The following RHOT1 variants were observed in gnomAD, a reference collection of about 807,000 sequenced individuals.
RHOT1 encodes ras homolog family member T1, also known as mitochondrial Rho GTPase 1.
RHOT1 carries 27 observed loss-of-function variants against 95.3 expected under a neutral mutation model. The observed-to-expected ratio is 0.28, with a 90% CI of 0.21 to 0.39. The LOEUF (loss-of-function observed/expected upper bound fraction) is 0.39. Ranked by LOEUF, RHOT1 falls within the 10% of genes least tolerant of loss-of-function variation. The probability of loss-of-function intolerance (pLI) is 1.00; values close to 1 mark genes in which losing one functional copy is unlikely to be tolerated. For missense variants in RHOT1, 578 were observed against 786.7 expected (o/e 0.73, Z 3.17); for synonymous variants, 227 against 263.5 (o/e 0.86, Z 1.34).
intron 19 of RHOT1, among the ~76,000 whole-genome samples, chr17:32,214,641 C>G (rs1044174209): frequency 2.6e-5 from 4 of 152,130 alleles, no homozygotes; most frequent in Non-Finnish European, 5.9e-5. Context: ...CCACCTTTCC[C>G]TGTTACTTCT....
intron 1 of RHOT1, chr17:32,151,315 G>A (rs2032261604): frequency 1.6e-6 from 1 of 638,996 alleles, no homozygotes; most frequent in Admixed American, 1.9e-5. Context: ...GGGAGGCTAA[G>A]GTGGGAGGAT....
intron 1 of RHOT1, among the ~76,000 whole-genome samples, chr17:32,162,566 A>G (rs1299889150): frequency 1.3e-5 from 2 of 152,184 alleles, no homozygotes; most frequent in Non-Finnish European, 2.9e-5. Flanking sequence ...AGGTGGGACC[A>G]GTTTCGTTAG....
In RHOT1 at chr17:32,225,324, G is replaced by A. The variant is rs1299338009; in HGVS notation, c.*591G>A. ...TCTAGAAACTTGTGTAGCTGAGTGT[G>A]CAGCTCACCTTTAAGGGTGAAGTTA... On this transcript the variant is annotated 3_prime_UTR_variant, in exon 20 of 20. Coordinates refer to ENST00000545287, the MANE Select transcript of RHOT1 (RefSeq NM_001033566.3). 1 of 152,620 alleles carries A rather than the reference G, an allele frequency of 6.6e-6. No individual in the cohort carries two copies. The highest frequency in any genetic ancestry group is 1.5e-5 in the Non-Finnish European group (1 of 68,036). 9.5% of individuals were successfully genotyped at this position (152,620 alleles called of 1,614,324 possible). A position where few individuals can be genotyped will look rare whatever the true frequency, so the allele number is the denominator to read the frequency against.
At chr17:32,193,782 C>G (rs1236980549) in intron 10 of RHOT1, among the ~76,000 whole-genome samples, 1 of 152,178 alleles carries the variant, frequency 6.6e-6, no homozygotes, top group African/African-American at 2.4e-5. Flanking sequence ...CTCTAGTGCT[C>G]TCTCTTGCTG....
intron 8 of RHOT1, among the ~76,000 whole-genome samples, chr17:32,183,604 AAC>A (rs1173488474): frequency 1.3e-5 from 2 of 152,242 alleles, no homozygotes; most frequent in Non-Finnish European, 2.9e-5. Context: ...CAAACTGAAA[AAC>A]ACACACAAAT....
At chr17:32,174,401 CTG>C (rs2034828652) in intron 3 of RHOT1, among the ~76,000 whole-genome samples, 1 of 152,120 alleles carries the variant, frequency 6.6e-6, no homozygotes, top group African/African-American at 2.4e-5. Context: ...CTTGCATTAT[CTG>C]TATGTTGGAC....
At chr17:32,189,998 C>T (rs73286172) in intron 8 of RHOT1, among the ~76,000 whole-genome samples, 5,753 of 151,972 alleles carry the variant, frequency 0.038, 366 homozygotes, top group African/African-American at 0.13. Flanking sequence ...TGAGCCACCA[C>T]GCCCAGCCAA....
intron 16 of RHOT1, among the ~76,000 whole-genome samples, chr17:32,206,180 C>A (rs2037708730): frequency 7.1e-6 from 1 of 141,704 alleles, no homozygotes; most frequent in Admixed American, 7.2e-5. Context: ...CTAATACTAG[C>A]TTCCATAGAA....
intron 18 of RHOT1, 49 bp from the exon 19 acceptor site, chr17:32,211,067 A>C (rs769459016): frequency 1.3e-6 from 2 of 1,552,812 alleles, no homozygotes. Flanking sequence ...GACTTGTGCC[A>C]TATTTGTAAG....
At position 32,198,948 on chromosome 17, in the gene RHOT1, C is replaced by G. The variant is rs745991864; in HGVS notation, c.871C>G (p.Leu291Val). 2 of 1,593,854 alleles carry G rather than the reference C, an allele frequency of 1.3e-6. No homozygotes were observed. The highest frequency in any genetic ancestry group is 1.3e-5 in the African/African-American group (1 of 74,350). The change falls in exon 12 of 20, where the codon CTG becomes GTG. Residue 291 changes from leucine (L) to valine (V), a missense_variant and splice_region_variant. Physicochemically the swap from Leu to Val is conservative, Grantham distance 32 (BLOSUM62 1). This residue lies in a region of RHOT1 where 227 missense variants were observed against 316.0 expected (regional missense o/e 0.72). Coordinates refer to ENST00000545287, the MANE Select transcript of RHOT1 (RefSeq NM_001033566.3). ...TTTACTCTTGAATTTTTTCAACAGG[C>G]TGAAAATACCTCCTGATTGCACTAC... is the stretch of plus-strand genomic sequence containing the variant. The part of the protein sequence containing the change: ...DLTPEYLFPL[L>V]KIPPDCTTEL...
chr17:32,207,886 A>G (rs927594002), intron 17 of RHOT1, among the ~76,000 whole-genome samples: 6 of 152,162 alleles, frequency 3.9e-5, no homozygotes, highest in Non-Finnish European at 8.8e-5. Flanking sequence ...CTAAGGAATC[A>G]GTATAGGTCT....
intron 1 of RHOT1, among the ~76,000 whole-genome samples, chr17:32,149,474 A>G (rs2031880020): frequency 6.7e-6 from 1 of 149,938 alleles, no homozygotes; most frequent in Non-Finnish European, 1.5e-5. Context: ...TAGTTTTTAG[A>G]ATTTAATATT....
chr17:32,210,565 A>G (rs1026807969), intron 18 of RHOT1, among the ~76,000 whole-genome samples: 16 of 152,198 alleles, frequency 1.1e-4, no homozygotes, highest in Non-Finnish European at 2.1e-4. Flanking sequence ...TTTGAGAGCC[A>G]GGGTGCTTGA....
chr17:32,164,337 G>A (rs1008416634), intron 1 of RHOT1, among the ~76,000 whole-genome samples: 13 of 151,426 alleles, frequency 8.6e-5, no homozygotes, highest in Non-Finnish European at 1.6e-4. Context: ...GGGTTCAAGC[G>A]ATTCTTCTGC....
intron 18 of RHOT1, 140 bp downstream of exon 18, chr17:32,208,449 G>C (rs141411158): frequency 4.2e-5 from 34 of 817,808 alleles, no homozygotes; most frequent in Non-Finnish European, 6.5e-5. Flanking sequence ...GTACAAATTT[G>C]AGTAAATGCA....
chr17:32,145,311 A>G (rs1302586036), intron 1 of RHOT1, among the ~76,000 whole-genome samples: 1 of 152,084 alleles, frequency 6.6e-6, no homozygotes, highest in Non-Finnish European at 1.5e-5. Context: ...AAAAATATAT[A>G]TATATATTGA....
At chr17:32,148,508 G>A (rs891310282) in intron 1 of RHOT1, among the ~76,000 whole-genome samples, 1 of 152,110 alleles carries the variant, frequency 6.6e-6, no homozygotes, top group African/African-American at 2.4e-5. Flanking sequence ...TGTTGATCTC[G>A]TTTGAAGGAG....
In RHOT1 at chr17:32,166,908, A is replaced by G. The variant is rs559960513; in HGVS notation, c.38-4135A>G. ...TACTTTGATCTCCTGTGAATCACAA[A>G]TGTTCTTGATGGCATCTAGAATGGT... is the stretch of plus-strand genomic sequence containing the variant. On this transcript the variant is annotated intron_variant, in intron 1 of 19. Transcript: ENST00000545287. Among the ~76,000 whole-genome samples the G allele has an allele frequency of 5.3e-5, 8 of 152,306 alleles. No individual in the cohort carries two copies. The South Asian group carries it at 1.7e-3, about 32-fold the overall frequency.
At chr17:32,163,433 A>G (rs1440997104) in intron 1 of RHOT1, among the ~76,000 whole-genome samples, 1 of 152,206 alleles carries the variant, frequency 6.6e-6, no homozygotes, top group Non-Finnish European at 1.5e-5. Context: ...CAGATATGTA[A>G]AAAGAATGTT....
Sources: gnomAD v4.1 joint callset for allele counts (sites outside exome capture counted in the v4.1 genomes callset) on GRCh38, gnomAD v4.1.1 for gene constraint, gnomAD v4.1.1 regional missense constraint, MANE v1.5 for transcripts, NCBI Gene and HGNC (gene_info 2026-07-23, HGNC 2026-07-21) for gene names.